Variants in ADAM9 observed in about 807,000 individuals in gnomAD.
ADAM9 encodes the protein ADAM metallopeptidase domain 9, also known as disintegrin and metalloproteinase domain-containing protein 9.
Under a neutral mutation model 108.1 loss-of-function variants are expected in ADAM9, and 54 were observed. The ratio of observed to expected loss-of-function variants is 0.50; its 90% CI spans 0.40 to 0.63. The LOEUF (loss-of-function observed/expected upper bound fraction) is 0.63, where lower values mean the gene tolerates loss of function less well. Among genes scored for constraint, ADAM9 ranks in the 20% least tolerant of loss-of-function variants. The pLI is 0.00. For missense variants in ADAM9, 830 were observed against 997.7 expected (o/e 0.83, Z 2.26); for synonymous variants, 316 against 336.0 (o/e 0.94, Z 0.65).
Position 39,054,567 on chromosome 8 carries a change from C to A in ADAM9, c.1389C>A (p.Asp463Glu). The A allele has an allele frequency of 6.5e-7, 1 of 1,547,226 alleles. No individual in the cohort carries two copies. The highest frequency in any genetic ancestry group is 8.8e-7 in the Non-Finnish European group (1 of 1,132,250). Residue 463 changes from aspartate to glutamate, a missense_variant, in exon 13 of 22, where the codon GAC (aspartate) becomes GAA (glutamate). Around this residue, in one of 3 missense-constraint regions of ADAM9, gnomAD observed 381 missense variants for 539.8 expected, o/e 0.71. Transcript: ENST00000487273. ...AECAYGDCCK[D>E]CRFLPGGTLC... is the part of the protein sequence containing the mutation. ...GTGCATATGGTGACTGTTGTAAAGA[C>A]TGTCGGGTAAGGAATTCCTCCCTTT...
intron 20 of ADAM9, among the ~76,000 whole-genome samples, chr8:39,097,430 C>T (rs571239171): frequency 1.1e-3 from 173 of 151,884 alleles, no homozygotes; most frequent in Middle Eastern, 3.4e-3. Flanking sequence ...CCTCAGCCTC[C>T]TGAGTAGCTG....
chr8:38,997,040 G>A lies in ADAM9; in HGVS notation c.-24G>A. On this transcript the variant is annotated 5_prime_UTR_variant, in exon 1 of 22. Transcript: ENST00000487273. Reference sequence around the variant, plus strand: ...GGAGGTGGAGGCGACCGAGTGCTGAGAGGAACCTGCGGAATCGGCCGAGAT... The same window carrying A: ...GGAGGTGGAGGCGACCGAGTGCTGAAAGGAACCTGCGGAATCGGCCGAGAT... 6.2e-7 allele frequency: 1 copy of A among 1,604,686 alleles called. No individual in the cohort carries two copies. The highest frequency in any genetic ancestry group is 8.5e-7 in the Non-Finnish European group (1 of 1,179,232).
intron 18 of ADAM9, among the ~76,000 whole-genome samples, chr8:39,088,311 G>T (rs1320216969): frequency 6.6e-6 from 1 of 150,834 alleles, no homozygotes; most frequent in African/African-American, 2.4e-5. Context: ...TGTTGCCCAC[G>T]CTGGAGTGCA....
intron 14 of ADAM9, among the ~76,000 whole-genome samples, chr8:39,067,689 A>G (rs1373680667): frequency 6.6e-6 from 1 of 152,204 alleles, no homozygotes; most frequent in African/African-American, 2.4e-5. Flanking sequence ...GTCATCTGCA[A>G]ACAGGGACAA....
chr8:39,014,787 A>G, intron 4 of ADAM9: 2 of 450,582 alleles, frequency 4.4e-6, no homozygotes, highest in Non-Finnish European at 7.8e-6. Flanking sequence ...TTGGTAGCGC[A>G]CTTTTGCAGC....
chr8:39,080,567 C>G (rs1838988758), intron 16 of ADAM9, among the ~76,000 whole-genome samples: 1 of 152,184 alleles, frequency 6.6e-6, no homozygotes, highest in Non-Finnish European at 1.5e-5. Flanking sequence ...ATCTATGAGT[C>G]TAACACCCAA....
chr8:39,041,695 G>T (rs896904862), intron 11 of ADAM9, among the ~76,000 whole-genome samples: 1 of 152,108 alleles, frequency 6.6e-6, no homozygotes, highest in Non-Finnish European at 1.5e-5. Context: ...GTATTTCAAT[G>T]TAAGTGATAT....
At chr8:39,032,804 T>C (rs1419126309) in intron 11 of ADAM9, among the ~76,000 whole-genome samples, 1 of 152,244 alleles carries the variant, frequency 6.6e-6, no homozygotes, top group South Asian at 2.1e-4. Context: ...CATCTTGGAA[T>C]GGCCACACGG....
chr8:39,058,866 AC>A (rs555388516), intron 14 of ADAM9, among the ~76,000 whole-genome samples: 81 of 152,238 alleles, frequency 5.3e-4, no homozygotes, highest in African/African-American at 1.9e-3. Context: ...ACCCCTTGAT[AC>A]CTGGACACGT....
intron 21 of ADAM9, among the ~76,000 whole-genome samples, chr8:39,102,608 A>C (rs913495263): frequency 1.3e-5 from 2 of 152,240 alleles, no homozygotes; most frequent in Non-Finnish European, 2.9e-5. Flanking sequence ...ATGATCAAAA[A>C]AAGCCAAGTG....
chr8:39,023,237 GGTGCTGGTGAT>G lies in ADAM9; in HGVS notation c.834_844del (p.Asp279GlufsTer17). On this transcript the variant is annotated frameshift_variant, in exon 9 of 22. Transcript: ENST00000487273. LOFTEE classifies it high-confidence loss of function. Reference sequence around the variant, plus strand: ...TGGAAACCTGATCAACATAGTTGGGGGTGCTGGTGATGTGCTGGGGAACTTCGTGCAGTGGC... The same window carrying G: ...TGGAAACCTGATCAACATAGTTGGGGGTGCTGGGGAACTTCGTGCAGTGGC... The G allele has an allele frequency of 6.2e-7, 1 of 1,613,784 alleles. No homozygotes were observed. The highest frequency in any genetic ancestry group is 8.5e-7 in the Non-Finnish European group (1 of 1,179,874).
chr8:39,063,419 C>T (rs1268480031), intron 14 of ADAM9, among the ~76,000 whole-genome samples: 1 of 152,190 alleles, frequency 6.6e-6, no homozygotes, highest in East Asian at 1.9e-4. Context: ...GCTGTTTCCA[C>T]TGGCAAAGAC....
At chr8:39,045,568 GTGTA>G (rs142073392) in intron 12 of ADAM9, among the ~76,000 whole-genome samples, 60,911 of 139,150 alleles carry the variant, frequency 0.44, 13,417 homozygotes, top group East Asian at 0.73. Context: ...ATGTGTGTGT[GTGTA>G]TATATATATA....
chr8:39,076,694 G>A (rs1403845740), intron 15 of ADAM9, among the ~76,000 whole-genome samples: 1 of 152,192 alleles, frequency 6.6e-6, no homozygotes, highest in Non-Finnish European at 1.5e-5. Context: ...GGTCAGGGAA[G>A]CCTTCATAGA....
Position 39,018,894 on chromosome 8 carries a change from G to A in ADAM9, c.648G>A (p.Leu216=), listed in dbSNP as rs745852661. ...AVLPQTRYVE[L]FIVVDKERYD... ...TGCCACAGACCCGGTATGTGGAGCT[G>A]TTCATTGTCGTAGACAAGGAAAGGG... Residue 216 remains leucine, a synonymous_variant, in exon 7 of 22, where the codon CTG becomes CTA. Coordinates refer to ENST00000487273, the MANE Select transcript of ADAM9 (RefSeq NM_003816.3). The A allele has an allele frequency of 2.5e-6, 4 of 1,613,822 alleles. No homozygotes were observed. Among genetic ancestry groups the A allele is most frequent in the Non-Finnish European group, 3.4e-6 (4 of 1,179,932 alleles).
At chr8:39,095,802 T>G (rs1179220448) in intron 20 of ADAM9, among the ~76,000 whole-genome samples, 2 of 152,196 alleles carry the variant, frequency 1.3e-5, no homozygotes, top group Admixed American at 6.5e-5. Flanking sequence ...TTAGGTGCTC[T>G]AAATTGGCTG....
At chr8:39,037,158 G>A (rs1420590514) in intron 11 of ADAM9, among the ~76,000 whole-genome samples, 2 of 136,396 alleles carry the variant, frequency 1.5e-5, no homozygotes, top group Non-Finnish European at 3.0e-5. Context: ...CCGGGTTCAC[G>A]CCATTCTCCT....
intron 1 of ADAM9, among the ~76,000 whole-genome samples, chr8:39,001,909 C>G: frequency 6.6e-6 from 1 of 151,920 alleles, no homozygotes. Context: ...ACCTTGTGAT[C>G]CACCCGCCTC....
At chr8:39,008,479 C>G (rs1836238239) in intron 2 of ADAM9, among the ~76,000 whole-genome samples, 1 of 152,058 alleles carries the variant, frequency 6.6e-6, no homozygotes, top group Non-Finnish European at 1.5e-5. Context: ...CAGCCAGTAT[C>G]TTTTCTTTTT....
Sources: gnomAD v4.1 joint callset for allele counts (sites outside exome capture counted in the v4.1 genomes callset) on GRCh38, gnomAD v4.1.1 for gene constraint, gnomAD v4.1.1 regional missense constraint, MANE v1.5 for transcripts, NCBI Gene and HGNC (gene_info 2026-07-23, HGNC 2026-07-21) for gene names.